The following PPEF1 variants were observed in gnomAD, a reference collection of about 807,000 sequenced individuals.
The protein encoded by PPEF1 is serine/threonine-protein phosphatase with EF-hands 1.
PPEF1 carries 12 observed loss-of-function variants against 53.3 expected under a neutral mutation model. The observed-to-expected ratio is 0.23, with a 90% CI of 0.14 to 0.36. The LOEUF (loss-of-function observed/expected upper bound fraction) is 0.36. PPEF1 is among the 10% of genes least tolerant of loss of function. PPEF1 has a pLI of 1.00. For synonymous variants in PPEF1, 165 were observed against 176.7 expected, an observed-to-expected ratio of 0.93 and a Z score of 0.52; for missense variants, 334 against 490.4, an observed-to-expected ratio of 0.68 and a Z score of 3.01.
chrX:18,761,089 G>A (rs2045654671), intron 5 of PPEF1, among the ~76,000 whole-genome samples: 1 of 111,156 alleles, frequency 9.0e-6, no homozygotes, highest in Non-Finnish European at 1.9e-5. Context: ...CCAAGCTTGA[G>A]TTTTGAAGTG....
intron 1 of PPEF1, among the ~76,000 whole-genome samples, chrX:18,728,201 C>CTA (rs1183631462): frequency 9.3e-4 from 102 of 110,144 alleles, no homozygotes; most frequent in African/African-American, 2.9e-3. Context: ...CTCTCTCTCT[C>CTA]TCTATATATA....
In PPEF1 at chrX:18,776,719, A is replaced by G. The variant is rs185938335; in HGVS notation, c.559-2291A>G. 5.4e-3 allele frequency among the ~76,000 whole-genome samples: 596 copies of G among 111,313 alleles called. 3 individuals carry two copies. Among genetic ancestry groups the G allele is most frequent in the Non-Finnish European group, 8.5e-3 (449 of 53,050 alleles). ...GCGGATCACCTGAGGTTGGGAGTTC[A>G]AGACCAGCCTGACCAACATGATGAA... is the stretch of plus-strand genomic sequence containing the variant. On this transcript the variant is annotated intron_variant, in intron 6 of 15. Transcript: ENST00000470157.
chrX:18,807,004 GT>G (rs34182090), intron 12 of PPEF1, among the ~76,000 whole-genome samples: 1 of 47,305 alleles, frequency 2.1e-5, no homozygotes, highest in Non-Finnish European at 4.3e-5. Flanking sequence ...GTTTTTTTTG[GT>G]TTTTTTTTTG....
chrX:18,823,627 C>CA lies in PPEF1; in HGVS notation c.1502-285dup, dbSNP rs759165991. On this transcript the variant is annotated intron_variant, in intron 13 of 15. Coordinates refer to ENST00000470157, the MANE Select transcript of PPEF1 (RefSeq NM_001377996.1). ...GGGTGAAAAGAGCCAGACTCCTTCT[C>CA]AAAAAAAAAAATAAATAAATAAATA... Among the ~76,000 whole-genome samples, 600 of 84,887 alleles carry CA rather than the reference C, an allele frequency of 7.1e-3. 6 individuals are homozygous for CA. The highest frequency in any genetic ancestry group is 0.017 in the African/African-American group (366 of 22,117). The allele number at this position is 84,887 out of a possible 115,157, so 73.7% of individuals were successfully genotyped here.
chrX:18,685,572 C>T (rs1420160662), intron 2 of PPEF1, among the ~76,000 whole-genome samples: 2 of 108,553 alleles, frequency 1.8e-5, no homozygotes, highest in Non-Finnish European at 3.8e-5. Flanking sequence ...GTAGTCCCAG[C>T]TACTTGAGGG....
At chrX:18,730,489 A>T (rs1372843575) in intron 2 of PPEF1, among the ~76,000 whole-genome samples, 181 bp downstream of exon 2, 1 of 111,572 alleles carries the variant, frequency 9.0e-6, no homozygotes, top group Non-Finnish European at 1.9e-5. Context: ...TGGGAAAAGG[A>T]TGGTGTTTTT....
At chrX:18,801,932 C>T (rs1344802898) in intron 10 of PPEF1, among the ~76,000 whole-genome samples, 3 of 103,568 alleles carry the variant, frequency 2.9e-5, no homozygotes, top group Non-Finnish European at 5.9e-5. Flanking sequence ...TGCAGTGAGC[C>T]GAGATCATGC....
rs2047190399 is a variant in PPEF1, at chrX:18,827,477, A to G, written c.1952A>G (p.Asn651Ser). ...YEDLMKPDVT[N>S]LG The stretch of plus-strand genomic sequence containing the variant: ...GACTTGATGAAACCTGATGTCACCA[A>G]CCTTGGCTAAACACAAATGAGAGCT... Residue 651 changes from asparagine (N) to serine (S), a missense_variant, in exon 16 of 16, where the codon AAC (asparagine) becomes AGC (serine). Transcript: ENST00000470157. 1.7e-6 allele frequency: 2 copies of G among 1,207,195 alleles called. No individual in the cohort carries two copies. Among genetic ancestry groups the G allele is most frequent in the Non-Finnish European group, 2.2e-6 (2 of 891,935 alleles).
intron 1 of PPEF1, among the ~76,000 whole-genome samples, chrX:18,676,351 C>CCA (rs1396457228): frequency 9.2e-6 from 1 of 108,421 alleles, no homozygotes; most frequent in African/African-American, 3.4e-5. Flanking sequence ...GTAATCCCCC[C>CCA]CACACACACA....
upstream of PPEF1, among the ~76,000 whole-genome samples, chrX:18,678,592 C>T (rs928213143): frequency 6.2e-5 from 7 of 112,262 alleles, no homozygotes; most frequent in Admixed American, 2.8e-4. Context: ...TGTTCCAGCA[C>T]TCCACCAAAA....
At chrX:18,796,184 G>C (rs1472532003) in intron 10 of PPEF1, among the ~76,000 whole-genome samples, 1 of 112,292 alleles carries the variant, frequency 8.9e-6, no homozygotes, top group Non-Finnish European at 1.9e-5. Context: ...TCAAACTCCT[G>C]ACTTCAGATG....
intron 3 of PPEF1, among the ~76,000 whole-genome samples, chrX:18,743,446 C>CTTTTTTTTTTTTT (rs72264344): frequency 1.7e-5 from 1 of 59,324 alleles, no homozygotes; most frequent in African/African-American, 7.2e-5. Context: ...TTCTCTTTTT[C>CTTTTTTTTTTTTT]TTTTTTTTTT....
chrX:18,790,592 T>C (rs1654395969), intron 10 of PPEF1, among the ~76,000 whole-genome samples: 1 of 112,271 alleles, frequency 8.9e-6, no homozygotes, highest in African/African-American at 3.2e-5. Context: ...CATTTAGCTC[T>C]TAAATTTAGG....
chrX:18,796,304 A>G (rs1359621952), intron 10 of PPEF1, among the ~76,000 whole-genome samples: 4 of 112,709 alleles, frequency 3.5e-5, no homozygotes, highest in African/African-American at 1.3e-4. Flanking sequence ...ATGACCTCTT[A>G]GAAAGGACTT....
chrX:18,735,489 C>T (rs974507720), intron 3 of PPEF1, among the ~76,000 whole-genome samples: 2 of 111,585 alleles, frequency 1.8e-5, no homozygotes, highest in Admixed American at 9.6e-5. Context: ...TGGTCTATGT[C>T]TCTGTTTTGG....
intron 4 of PPEF1, among the ~76,000 whole-genome samples, chrX:18,753,879 C>T (rs1490951820): frequency 9.0e-6 from 1 of 111,016 alleles, no homozygotes; most frequent in African/African-American, 3.3e-5. Context: ...CTGGTCTATC[C>T]TGGAGAATGT....
chrX:18,825,507 T>C (rs2047149917), intron 14 of PPEF1, among the ~76,000 whole-genome samples: 1 of 112,182 alleles, frequency 8.9e-6, no homozygotes, highest in Non-Finnish European at 1.9e-5. Flanking sequence ...ATAATCCACA[T>C]AAAGTTCTCT....
chrX:18,806,761 G>A, intron 12 of PPEF1, among the ~76,000 whole-genome samples: 1 of 111,933 alleles, frequency 8.9e-6, no homozygotes, highest in Non-Finnish European at 1.9e-5. Flanking sequence ...TTTTTAGATG[G>A]ATAAAGCAGT....
chrX:18,795,388 G>A (rs1232436388), intron 10 of PPEF1, among the ~76,000 whole-genome samples: 1 of 112,210 alleles, frequency 8.9e-6, no homozygotes, highest in Non-Finnish European at 1.9e-5. Context: ...TGCCATTCCT[G>A]TCACTATGTT....
Sources: gnomAD v4.1 joint callset for allele counts (sites outside exome capture counted in the v4.1 genomes callset) on GRCh38, gnomAD v4.1.1 for gene constraint, MANE v1.5 for transcripts, NCBI Gene and HGNC (gene_info 2026-07-23, HGNC 2026-07-21) for gene names.